The following SH3D21 variants were observed in gnomAD, a reference collection of about 807,000 sequenced individuals.
SH3D21 encodes the protein manchette microtubule inner protein 1, also known as SH3 domain-containing protein 21.
In SH3D21, 83 loss-of-function variants were observed where a neutral mutation model predicts 82.1. The observed-to-expected ratio is 1.01, with a 90% CI of 0.85 to 1.21. The LOEUF (loss-of-function observed/expected upper bound fraction) is 1.21, where lower values mean the gene tolerates loss of function less well. Among genes scored for constraint, SH3D21 ranks in the 50% most tolerant of loss-of-function variants. SH3D21 has a pLI of 0.00. For synonymous variants in SH3D21, 383 were observed against 387.8 expected (o/e 0.99, Z 0.15); for missense variants, 980 against 962.1 (o/e 1.02, Z -0.25).
At position 36,309,595 on chromosome 1, in the gene SH3D21, G is replaced by A; in HGVS notation, c.769+5G>A. On this transcript the variant is annotated splice_donor_5th_base_variant and intron_variant, in intron 10 of 15. Transcript: ENST00000453908. The stretch of plus-strand genomic sequence containing the variant: ...AAGTGGTATCTCGGGAATCAGGTGA[G>A]TGCCCGGGGAGCCTGGGATTGGGGG... 6.4e-7 allele frequency: 1 copy of A among 1,551,676 alleles called. No individual in the cohort carries two copies.
intron 10 of SH3D21, among the ~76,000 whole-genome samples, chr1:36,318,634 G>A (rs1557482089): frequency 1.3e-5 from 2 of 151,934 alleles, no homozygotes; most frequent in African/African-American, 4.8e-5. Context: ...TTGGCCGGGC[G>A]CAGTGGCTCA....
rs1285294701 is a variant in SH3D21, at chr1:36,320,193, A to G, written c.1530A>G (p.Glu510=). 8.1e-6 allele frequency: 13 copies of G among 1,613,328 alleles called. No individual in the cohort carries two copies. Among genetic ancestry groups the G allele is most frequent in the Non-Finnish European group, 1.0e-5 (12 of 1,180,030 alleles). ...DIQFHHFSSE[E]ALQKVKYFVA... ...AATTCCATCACTTCTCTTCGGAGGA[A>G]GCCCTGCAGAAGGTCAAGTACTTTG... Residue 510 remains glutamate (E), a synonymous_variant, in exon 14 of 16, where the codon GAA becomes GAG. Transcript: ENST00000453908.
chr1:36,319,754 G>GGCCCCCAGCTCCAGAGAAC lies in SH3D21; in HGVS notation c.1105_1123dup (p.Lys375ArgfsTer13), dbSNP rs751719042. 2 of 1,604,698 alleles carry GGCCCCCAGCTCCAGAGAAC rather than the reference G, an allele frequency of 1.2e-6. No individual in the cohort carries two copies. Among genetic ancestry groups the GGCCCCCAGCTCCAGAGAAC allele is most frequent in the Non-Finnish European group, 8.5e-7 (1 of 1,176,248 alleles). On this transcript the variant is annotated frameshift_variant, in exon 14 of 16. Transcript: ENST00000453908. LOFTEE classifies it high-confidence loss of function. ...CCGGACAAGACTGCCACCCCAGAGA[G>GGCCCCCAGCTCCAGAGAAC]GCCCCCAGCTCCAGAGAACGCCCCC...
downstream of SH3D21, chr1:36,323,771 AAAC>A (rs1646510865): frequency 1.3e-5 from 2 of 151,356 alleles, no homozygotes; most frequent in African/African-American, 4.9e-5. Context: ...CCCCCACAGG[AAAC>A]CGCCGGGGAG....
At chr1:36,329,420 T>A (rs1406434991), downstream of SH3D21, among the ~76,000 whole-genome samples, 3 of 152,194 alleles carry the variant, frequency 2.0e-5, no homozygotes, top group Non-Finnish European at 4.4e-5. Context: ...ACTCTTTGTG[T>A]TTATATGCAA....
downstream of SH3D21, chr1:36,322,607 C>A (rs762436034): frequency 1.7e-5 from 26 of 1,552,174 alleles, no homozygotes; most frequent in African/African-American, 3.3e-4. Flanking sequence ...GGCGCTGAGC[C>A]GGGCCCCGGG....
Position 36,308,285 on chromosome 1 carries a change from A to C in SH3D21, c.639+76A>C, listed in dbSNP as rs1646171770. On this transcript the variant is annotated intron_variant, in intron 8 of 15. Coordinates refer to ENST00000453908, the MANE Select transcript of SH3D21 (RefSeq NM_001162530.2). Reference sequence around the variant, plus strand: ...GGTAGACCTGCACATGTACCCCCTGAATCTAAAATAAACGTTGAAATTATA... The same window carrying C: ...GGTAGACCTGCACATGTACCCCCTGCATCTAAAATAAACGTTGAAATTATA... The C allele has an allele frequency of 4.8e-6, 7 of 1,470,170 alleles. No homozygotes were observed. In the South Asian group the frequency reaches 6.2e-5, roughly 13 times the overall value. 91.1% of individuals were successfully genotyped at this position (1,470,170 alleles called of 1,614,324 possible).
intron 10 of SH3D21, among the ~76,000 whole-genome samples, chr1:36,314,416 CATATATATGCGTATAT>C (rs1448458468): frequency 6.6e-6 from 1 of 150,664 alleles, no homozygotes; most frequent in Non-Finnish European, 1.5e-5. Context: ...AGTCCCTAAT[CATATATATGCGTATAT>C]ATATATATGG....
downstream of SH3D21, chr1:36,321,937 T>G (rs1570410081): frequency 2.7e-6 from 3 of 1,100,730 alleles, no homozygotes; most frequent in Admixed American, 4.9e-5. The surrounding 1 kb of genome is among the most constrained non-coding windows in gnomAD (Gnocchi z 6.1). Flanking sequence ...GCAGCTAGGG[T>G]AAGGGAGTCA....
chr1:36,320,680 C>T lies in SH3D21; in HGVS notation c.2017C>T (p.Pro673Ser), dbSNP rs766841454. ...AGACTCCCAAGAGACGCTCGCGCTC[C>T]CCTCGCTGGTCCCGCAAAACTACAC... ...PPDSQETLAL[P>S]SLVPQNYTEN... Residue 673 changes from proline (P) to serine (S), a missense_variant, in exon 14 of 16, where the codon CCC (proline) becomes TCC (serine). Coordinates refer to ENST00000453908, the MANE Select transcript of SH3D21 (RefSeq NM_001162530.2). The T allele has an allele frequency of 2.0e-5, 32 of 1,614,144 alleles. No homozygotes were observed. The highest frequency in any genetic ancestry group is 2.6e-5 in the Non-Finnish European group (31 of 1,180,050).
chr1:36,307,347 CG>C lies in SH3D21; in HGVS notation c.345+66del. ...TGATGGAACGCGCCTCCCTAGTGAGCGGGGTGGGAAGTGAGGGTGTGGACGG... is the reference window on the plus strand; with the variant it reads ...TGATGGAACGCGCCTCCCTAGTGAGCGGGTGGGAAGTGAGGGTGTGGACGG... On this transcript the variant is annotated intron_variant, in intron 4 of 15. Coordinates refer to ENST00000453908, the MANE Select transcript of SH3D21 (RefSeq NM_001162530.2). This position sits in a 1 kb window ranked among gnomAD's most constrained non-coding sequence, Gnocchi z 5.4. 6.5e-7 allele frequency: 1 copy of C among 1,541,760 alleles called. No individual in the cohort carries two copies. Among genetic ancestry groups the C allele is most frequent in the Non-Finnish European group, 8.8e-7 (1 of 1,139,474 alleles).
chr1:36,317,131 T>C (rs1404873018), intron 10 of SH3D21, among the ~76,000 whole-genome samples: 1 of 152,226 alleles, frequency 6.6e-6, no homozygotes, highest in Non-Finnish European at 1.5e-5. Context: ...AGTTAACATT[T>C]ACTGAGCTTT....
chr1:36,318,351 T>G (rs958908365), intron 10 of SH3D21, among the ~76,000 whole-genome samples: 3 of 152,096 alleles, frequency 2.0e-5, no homozygotes, highest in Non-Finnish European at 4.4e-5. Context: ...AAGTCAGATA[T>G]GAGTCTGGAG....
In SH3D21 at chr1:36,320,971, G is replaced by A. The variant is rs764705000; in HGVS notation, c.2192G>A (p.Arg731Gln). ...ELKSEKEQRR[R>Q]LEVQVMQGTQ... ...AAGAGCGAGAAGGAGCAGCGCCGGC[G>A]GCTGGAGGTGAGGCGCGGGTCCCGG... The change falls in exon 15 of 16, where the codon CGG becomes CAG. Residue 731 changes from arginine to glutamine, a missense_variant. Coordinates refer to ENST00000453908, the MANE Select transcript of SH3D21 (RefSeq NM_001162530.2). The A allele has an allele frequency of 6.4e-7, 1 of 1,571,392 alleles. No individual in the cohort carries two copies.
At chr1:36,312,110 C>T (rs183788921) in intron 10 of SH3D21, among the ~76,000 whole-genome samples, 150 of 148,864 alleles carry the variant, frequency 1.0e-3, no homozygotes, top group African/African-American at 2.9e-3. Flanking sequence ...CTGCAAGCTC[C>T]GCCTCCCGGG....
downstream of SH3D21, chr1:36,322,055 T>G: frequency 7.6e-7 from 1 of 1,311,828 alleles, no homozygotes; most frequent in Non-Finnish European, 9.7e-7. Flanking sequence ...CTTTCTTTCA[T>G]TTGGTCACTT....
downstream of SH3D21, chr1:36,322,006 G>A (rs1646471664): frequency 8.9e-6 from 11 of 1,237,744 alleles, no homozygotes; most frequent in Non-Finnish European, 1.1e-5. Context: ...GCTGGGGGCA[G>A]GAGTAACAGA....
At position 36,320,211 on chromosome 1, in the gene SH3D21, G is replaced by A. The variant is rs143835882; in HGVS notation, c.1548G>A (p.Lys516=). The stretch of plus-strand genomic sequence containing the variant: ...CGGAGGAAGCCCTGCAGAAGGTCAA[G>A]TACTTTGTAGCCAAAGAGGATCCAT... The part of the protein sequence containing the change: ...FSSEEALQKV[K]YFVAKEDPSS... Residue 516 remains lysine, a synonymous_variant, in exon 14 of 16, where the codon AAG becomes AAA. Coordinates refer to ENST00000453908, the MANE Select transcript of SH3D21 (RefSeq NM_001162530.2). 131 of 1,613,318 alleles carry A rather than the reference G, an allele frequency of 8.1e-5. No homozygotes were observed. The African/African-American group carries it at 1.3e-3, about 16-fold the overall frequency.
chr1:36,325,702 G>A (rs1374003041), downstream of SH3D21, among the ~76,000 whole-genome samples: 1 of 152,046 alleles, frequency 6.6e-6, no homozygotes, highest in Non-Finnish European at 1.5e-5. Flanking sequence ...CTGCCACCAC[G>A]CCTGGCTAAT....
Sources: gnomAD v4.1 joint callset for allele counts (sites outside exome capture counted in the v4.1 genomes callset) on GRCh38, gnomAD v4.1.1 for gene constraint, Gnocchi (gnomAD v3.1) non-coding constraint, MANE v1.5 for transcripts, NCBI Gene and HGNC (gene_info 2026-07-23, HGNC 2026-07-21) for gene names.